The following PLEC variants were observed in gnomAD, a reference collection of about 807,000 sequenced individuals.
The protein encoded by PLEC is plectin.
A neutral mutation model predicts 392.8 loss-of-function variants in PLEC; 216 were observed. The ratio of observed to expected loss-of-function variants is 0.55; its 90% CI spans 0.49 to 0.62. The LOEUF is 0.62. PLEC is among the 20% of genes least tolerant of loss of function. PLEC has a pLI of 0.00. For synonymous variants in PLEC, 3,621 were observed against 2,980.6 expected (o/e 1.21, Z -7.00); for missense variants, 6,863 against 6,563.4 (o/e 1.05, Z -1.58).
chr8:143,967,778 A>C (rs1302967674), intron 1 of PLEC, among the ~76,000 whole-genome samples: 2 of 152,208 alleles, frequency 1.3e-5, no homozygotes, highest in Non-Finnish European at 2.9e-5. Context: ...TAGGCAGTTC[A>C]CAAAAGAAAA....
chr8:143,921,929 T>A lies in PLEC; in HGVS notation c.7892A>T (p.Asp2631Val). ...AATKTLPNGRDALDGPAAEAE... is the reference protein window; with the variant it reads ...AATKTLPNGRVALDGPAAEAE... Reference sequence around the variant, plus strand: ...CTCTGCCGCGGGGCCATCAAGTGCATCCCGGCCATTGGGCAGGGTCTTTGT... The same window carrying A: ...CTCTGCCGCGGGGCCATCAAGTGCAACCCGGCCATTGGGCAGGGTCTTTGT... Residue 2631 changes from aspartate (D) to valine (V), a missense_variant, in exon 32 of 32, where the codon GAT becomes GTT. Physicochemically the swap from Asp to Val is radical, Grantham distance 152. Transcript: ENST00000345136. 6.3e-7 allele frequency: 1 copy of A among 1,599,446 alleles called. No homozygotes were observed. The highest frequency in any genetic ancestry group is 8.5e-7 in the Non-Finnish European group (1 of 1,179,798).
rs782364084 is a variant in PLEC at position 143,921,405 on chromosome 8, G to C, written c.8416C>G (p.Leu2806Val). ...LIVREHGIRL[L>V]EAQIATGGVI... is the part of the protein sequence containing the mutation. ...CCGCCCGTGGCGATCTGGGCCTCCAGCAGGCGGATGCCGTGCTCCCGGACG... is the reference window on the plus strand; with the variant it reads ...CCGCCCGTGGCGATCTGGGCCTCCACCAGGCGGATGCCGTGCTCCCGGACG... Residue 2806 changes from leucine (L) to valine (V), a missense_variant, in exon 32 of 32, where the codon CTG becomes GTG. Coordinates refer to ENST00000345136, the MANE Select transcript of PLEC (RefSeq NM_201384.3). 1 of 1,613,244 alleles carries C rather than the reference G, an allele frequency of 6.2e-7. No homozygotes were observed. Among genetic ancestry groups the C allele is most frequent in the African/African-American group, 1.3e-5 (1 of 74,950 alleles).
Position 143,916,222 on chromosome 8 carries a change from C to T in PLEC, c.13599G>A (p.Ser4533=), listed in dbSNP as rs1377653304. ...SSSGYGRRYA[S]GSSASLGGPE... The stretch of plus-strand genomic sequence containing the variant: ...GGCCCCCCAGGGAGGCCGAGGACCC[C>T]GAGGCGTAGCGGCGGCCGTAGCCCG... The change falls in exon 32 of 32, where the codon TCG becomes TCA. Residue 4533 remains serine (S), a synonymous_variant. Coordinates refer to ENST00000345136, the MANE Select transcript of PLEC (RefSeq NM_201384.3). The T allele has an allele frequency of 2.2e-5, 34 of 1,546,044 alleles. No individual in the cohort carries two copies. Among genetic ancestry groups the T allele is most frequent in the Admixed American group, 5.9e-5 (3 of 50,916 alleles).
chr8:143,921,367 G>A lies in PLEC; in HGVS notation c.8454C>T (p.Pro2818=), dbSNP rs782419323. 34 of 1,613,510 alleles carry A rather than the reference G, an allele frequency of 2.1e-5. No individual in the cohort carries two copies. Among genetic ancestry groups the A allele is most frequent in the African/African-American group, 1.6e-4 (12 of 75,062 alleles). ...AQIATGGVID[P]VHSHRVPVDV... ...CCACGGGCACGCGGTGGCTGTGCAC[G>A]GGGTCGATAACGCCGCCCGTGGCGA... Residue 2818 remains proline (P), a synonymous_variant, in exon 32 of 32, where the codon CCC becomes CCT. Coordinates refer to ENST00000345136, the MANE Select transcript of PLEC (RefSeq NM_201384.3).
At chr8:143,957,044 A>C (rs1832631139), upstream of PLEC, among the ~76,000 whole-genome samples, 1 of 152,088 alleles carries the variant, frequency 6.6e-6, no homozygotes, top group East Asian at 1.9e-4. Context: ...ACCCCCAAGA[A>C]GGTGGAGGTG....
intron 2 of PLEC, 97 bp downstream of exon 2, chr8:143,938,534 G>A (rs1829690674): frequency 1.3e-6 from 2 of 1,543,498 alleles, no homozygotes; most frequent in African/African-American, 2.7e-5. Flanking sequence ...TGAGCACACA[G>A]GCAGCATGGG....
Position 143,923,639 on chromosome 8 carries a change from C to T in PLEC, c.6290G>A (p.Arg2097Gln), listed in dbSNP as rs1470008713. Reference protein sequence around the residue: ...RRAAEEAEEARVQAEREAAQS... With the variant: ...RRAAEEAEEAQVQAEREAAQS... ...CGCCGCCTCACGCTCCGCCTGCACC[C>T]GGGCCTCCTCCGCCTCCTCAGCCGC... The change falls in exon 31 of 32, where the codon CGG (arginine) becomes CAG (glutamine). Residue 2097 changes from arginine to glutamine, a missense_variant. Coordinates refer to ENST00000345136, the MANE Select transcript of PLEC (RefSeq NM_201384.3). 1.5e-5 allele frequency: 23 copies of T among 1,581,470 alleles called. No homozygotes were observed. The highest frequency in any genetic ancestry group is 4.6e-5 in the East Asian group (2 of 43,506).
rs781908703 is a variant in PLEC, at chr8:143,919,694, C to T, written c.10127G>A (p.Arg3376His). Reference protein sequence around the residue: ...KEKVSIYEAMRRGLLRATTAA... With the variant: ...KEKVSIYEAMHRGLLRATTAA... ...CGTTGTGGCTCTCAGCAGGCCCCGGCGCATGGCCTCGTAGATGGACACCTT... is the reference window on the plus strand; with the variant it reads ...CGTTGTGGCTCTCAGCAGGCCCCGGTGCATGGCCTCGTAGATGGACACCTT... The change falls in exon 32 of 32, where the codon CGC (arginine) becomes CAC (histidine). Residue 3376 changes from arginine to histidine, a missense_variant. Arg to His is a conservative substitution (Grantham distance 29, BLOSUM62 0). Coordinates refer to ENST00000345136, the MANE Select transcript of PLEC (RefSeq NM_201384.3). The T allele has an allele frequency of 2.6e-5, 42 of 1,602,706 alleles. 1 individual carries two copies. Among genetic ancestry groups the T allele is most frequent in the South Asian group, 5.5e-5 (5 of 90,834 alleles).
intron 6 of PLEC, 142 bp from the exon 7 acceptor site, chr8:143,935,455 T>C (rs2132099606): frequency 2.8e-6 from 2 of 704,754 alleles, no homozygotes; most frequent in Non-Finnish European, 2.5e-6. Flanking sequence ...CACTGTCACA[T>C]GGGCAGAGCT....
intron 12 of PLEC, among the ~76,000 whole-genome samples, 153 bp downstream of exon 12, chr8:143,933,845 T>G (rs1297665888): frequency 6.6e-6 from 1 of 152,132 alleles, no homozygotes; most frequent in Non-Finnish European, 1.5e-5. Context: ...AGGGAGGAGC[T>G]CAGGCCTGGA....
chr8:143,923,664 C>T lies in PLEC; in HGVS notation c.6265G>A (p.Ala2089Thr), dbSNP rs1554693583. 4 of 1,561,422 alleles carry T rather than the reference C, an allele frequency of 2.6e-6. No homozygotes were observed. In the East Asian group the frequency reaches 9.5e-5, roughly 37 times the overall value. ...CGGGCCTCCTCCGCCTCCTCAGCCG[C>T]CCGCCGGGCCGCCTCCGCCTCGCCG... ...LRGEAEAARR[A>T]AEEAEEARVQ... The change falls in exon 31 of 32, where the codon GCG (alanine) becomes ACG (threonine). Residue 2089 changes from alanine (A) to threonine (T), a missense_variant. Ala to Thr is a moderately conservative substitution (Grantham distance 58). Transcript: ENST00000345136.
intron 1 of PLEC, chr8:143,946,549 C>A: frequency 2.3e-6 from 1 of 434,566 alleles, no homozygotes; most frequent in South Asian, 1.9e-5. Flanking sequence ...AGAGATGAAG[C>A]CCAGCCGACT....
At position 143,925,362 on chromosome 8, in the gene PLEC, C is replaced by A. The variant is rs1824681350; in HGVS notation, c.4567G>T (p.Ala1523Ser). The change falls in exon 31 of 32, where the codon GCC (alanine) becomes TCC (serine). Residue 1523 changes from alanine (A) to serine (S), a missense_variant. By Grantham distance (99) the Ala-to-Ser change is moderately conservative. Transcript: ENST00000345136. The stretch of plus-strand genomic sequence containing the variant: ...TTCTCGCGCGCCGCCTCGGCCTCGG[C>A]CTTCACGCGCGAGGCCAGCTCCACC... ...AEVELASRVKAEAEAAREKQR... is the reference protein window; with the variant it reads ...AEVELASRVKSEAEAAREKQR... The A allele has an allele frequency of 6.4e-7, 1 of 1,557,384 alleles. No homozygotes were observed. The highest frequency in any genetic ancestry group is 1.4e-5 in the African/African-American group (1 of 73,780).
rs782787400 is a variant in PLEC at position 143,917,256 on chromosome 8, C to T, written c.12565G>A (p.Val4189Met). ...CGGTCGATGATCATGGACTTGACCA[C>T]GCCGTCCGAGGAGGAGATGGTGATC... ...EEITISSSDG[V>M]VKSMIIDRRS... The change falls in exon 32 of 32, where the codon GTG becomes ATG. Residue 4189 changes from valine (V) to methionine (M), a missense_variant. Transcript: ENST00000345136. 65 of 1,611,732 alleles carry T rather than the reference C, an allele frequency of 4.0e-5. 1 individual carries two copies. Among genetic ancestry groups the T allele is most frequent in the Admixed American group, 1.8e-4 (11 of 59,992 alleles).
At chr8:143,933,659 CCT>C (rs1463813093) in intron 12 of PLEC, among the ~76,000 whole-genome samples, 10 of 152,310 alleles carry the variant, frequency 6.6e-5, no homozygotes, top group Non-Finnish European at 1.2e-4. Context: ...CCACGTGGGC[CCT>C]GTCCTCCTGG....
rs1830027903 is a variant in PLEC, at chr8:143,939,578, C to A, written c.-117G>T. ...GGCCCCACGAGACGCTCACTCGGCA[C>A]AGGCTCAGCTCAGAGCCCCAGTCGG... is the stretch of plus-strand genomic sequence containing the variant. On this transcript the variant is annotated 5_prime_UTR_variant, in exon 1 of 32. Transcript: ENST00000345136. 2.0e-6 allele frequency: 3 copies of A among 1,521,448 alleles called. No individual in the cohort carries two copies. Among genetic ancestry groups the A allele is most frequent in the Middle Eastern group, 2.3e-4 (1 of 4,314 alleles). 94.2% of individuals were successfully genotyped at this position (1,521,448 alleles called of 1,614,324 possible). A position where few individuals can be genotyped will look rare whatever the true frequency, so the allele number is the denominator to read the frequency against.
At chr8:143,968,274 A>T (rs1288379704) in intron 1 of PLEC, among the ~76,000 whole-genome samples, 1 of 152,114 alleles carries the variant, frequency 6.6e-6, no homozygotes, top group African/African-American at 2.4e-5. Flanking sequence ...ATAATAATTA[A>T]AATTAAAATG....
At chr8:143,971,470 C>G (rs1554744312) in intron 1 of PLEC, among the ~76,000 whole-genome samples, 1 of 152,154 alleles carries the variant, frequency 6.6e-6, no homozygotes. Context: ...ACCCCAGGGA[C>G]AGGAAGGGCC....
At chr8:143,947,131 C>A (rs1340185705) in intron 1 of PLEC, among the ~76,000 whole-genome samples, 1 of 152,248 alleles carries the variant, frequency 6.6e-6, no homozygotes, top group East Asian at 1.9e-4. Context: ...ATAGTCCCTC[C>A]ACCTAGAGCA....
Sources: allele counts gnomAD v4.1 joint callset (sites outside exome capture counted in the v4.1 genomes callset), GRCh38; gene constraint gnomAD v4.1.1; transcripts MANE v1.5; gene names NCBI Gene and HGNC (gene_info 2026-07-23, HGNC 2026-07-21).